Variants in FRMPD4 observed in about 807,000 individuals in gnomAD.
FRMPD4 encodes FERM and PDZ domain-containing protein 4.
In FRMPD4, 22 loss-of-function variants were observed where a neutral mutation model predicts 94.1. That is an observed-to-expected ratio of 0.23 (90% confidence interval 0.17 to 0.33). The LOEUF (loss-of-function observed/expected upper bound fraction) is 0.33, where lower values mean the gene tolerates loss of function less well. Ranked by LOEUF, FRMPD4 falls within the 10% of genes least tolerant of loss-of-function variation. The pLI, the probability that FRMPD4 is intolerant of heterozygous loss-of-function variation, is 1.00. For missense variants in FRMPD4, 1,111 were observed against 1,339.9 expected (o/e 0.83, Z 2.67); for synonymous variants, 631 against 548.6 (o/e 1.15, Z -2.10).
At chrX:12,303,296 C>T (rs1160397042) in intron 1 of FRMPD4, among the ~76,000 whole-genome samples, 1 of 111,447 alleles carries the variant, frequency 9.0e-6, no homozygotes, top group Non-Finnish European at 1.9e-5. Context: ...TTCCCACAAG[C>T]CTTAAATAAA....
chrX:12,075,434 T>C (rs1422487377), intron 3 of FRMPD4, among the ~76,000 whole-genome samples: 2 of 112,027 alleles, frequency 1.8e-5, no homozygotes, highest in East Asian at 5.6e-4. Flanking sequence ...AAAAAGATGA[T>C]GAGAAGAAAA....
At chrX:12,266,160 A>AAAAAAAAAAAAAAAAAAAAAAAAG (rs1569211566) in intron 1 of FRMPD4, among the ~76,000 whole-genome samples, 1 of 103,779 alleles carries the variant, frequency 9.6e-6, no homozygotes, top group African/African-American at 3.8e-5. Context: ...AAAAAAAAAA[A>AAAAAAAAAAAAAAAAAAAAAAAAG]AGAGAAAACA....
intron 2 of FRMPD4, among the ~76,000 whole-genome samples, chrX:12,602,058 C>A (rs1241747401): frequency 8.9e-6 from 1 of 111,821 alleles, no homozygotes; most frequent in Non-Finnish European, 1.9e-5. Context: ...GTGGAAAAAA[C>A]CCAATGAGAA....
At chrX:12,113,019 T>C (rs1303426255) in intron 3 of FRMPD4, among the ~76,000 whole-genome samples, 2 of 111,655 alleles carry the variant, frequency 1.8e-5, no homozygotes, top group Non-Finnish European at 3.8e-5. Flanking sequence ...TTGGGGGAAA[T>C]ATACTCTTGC....
At chrX:12,187,301 G>A (rs564007842) in intron 1 of FRMPD4, among the ~76,000 whole-genome samples, 17 of 110,782 alleles carry the variant, frequency 1.5e-4, no homozygotes, top group East Asian at 5.7e-4. Flanking sequence ...CATAAATGCT[G>A]CTTTACATTA....
At chrX:12,455,845 G>A (rs752772776) in intron 1 of FRMPD4, among the ~76,000 whole-genome samples, 1 of 111,941 alleles carries the variant, frequency 8.9e-6, no homozygotes, top group African/African-American at 3.2e-5. Flanking sequence ...ACATGCCTAA[G>A]TTTCCTCATT....
intron 1 of FRMPD4, among the ~76,000 whole-genome samples, chrX:12,410,897 A>G (rs2056724869): frequency 9.0e-6 from 1 of 111,515 alleles, no homozygotes; most frequent in Non-Finnish European, 1.9e-5. Flanking sequence ...AGACTTAGAG[A>G]TATGTAAAAA....
intron 3 of FRMPD4, among the ~76,000 whole-genome samples, chrX:12,079,068 G>T (rs1280294567): frequency 4.5e-5 from 5 of 111,406 alleles, no homozygotes; most frequent in African/African-American, 1.6e-4. Context: ...GATGATCTAA[G>T]GCAATTGGAA....
chrX:12,263,543 T>C (rs12848912), intron 1 of FRMPD4, among the ~76,000 whole-genome samples: 9,692 of 111,453 alleles, frequency 0.087, 459 homozygotes, highest in African/African-American at 0.19. Context: ...TAAAGGCCTA[T>C]GCTGGCTTCT....
At chrX:11,934,780 A>G (rs1485096343) in intron 3 of FRMPD4, among the ~76,000 whole-genome samples, 5 of 112,183 alleles carry the variant, frequency 4.5e-5, no homozygotes, top group African/African-American at 1.6e-4. Context: ...CATGGCAGAC[A>G]GTCAGTAAAT....
At chrX:12,704,851 A>T (rs1032028184) in intron 11 of FRMPD4, among the ~76,000 whole-genome samples, 3 of 112,446 alleles carry the variant, frequency 2.7e-5, no homozygotes, top group Non-Finnish European at 5.6e-5. Context: ...TTCAATGCAC[A>T]ACAGCCAGCA....
intron 3 of FRMPD4, among the ~76,000 whole-genome samples, chrX:11,991,889 T>G: frequency 8.9e-6 from 1 of 112,365 alleles, no homozygotes; most frequent in East Asian, 2.8e-4. Flanking sequence ...TCTTAGTTGA[T>G]ATGCATTACA....
At chrX:12,053,455 G>GAGGAAAGGAA (rs199926229) in intron 3 of FRMPD4, among the ~76,000 whole-genome samples, 2 of 104,026 alleles carry the variant, frequency 1.9e-5, no homozygotes, top group Non-Finnish European at 3.9e-5. Flanking sequence ...GAAGAGAAGA[G>GAGGAAAGGAA]AGGAAAGGAA....
At chrX:12,560,759 T>C (rs1413827357) in intron 2 of FRMPD4, among the ~76,000 whole-genome samples, 1 of 21,349 alleles carries the variant, frequency 4.7e-5, no homozygotes, top group African/African-American at 3.3e-4. Flanking sequence ...TTTTTTTTTT[T>C]TTTTTTTTTT....
chrX:12,340,937 G>A (rs901656145), intron 1 of FRMPD4, among the ~76,000 whole-genome samples: 1 of 111,923 alleles, frequency 8.9e-6, no homozygotes, highest in African/African-American at 3.3e-5. Context: ...TATTCAGCAC[G>A]TTCTACTGAT....
chrX:11,951,071 A>AG, intron 3 of FRMPD4, among the ~76,000 whole-genome samples: 1 of 108,975 alleles, frequency 9.2e-6, no homozygotes, highest in Non-Finnish European at 1.9e-5. Context: ...AAAAAAAAAA[A>AG]AAAAAAAAAG....
At chrX:12,256,055 A>G (rs771377896) in intron 1 of FRMPD4, among the ~76,000 whole-genome samples, 2 of 112,209 alleles carry the variant, frequency 1.8e-5, no homozygotes, top group Admixed American at 9.4e-5. Context: ...GTCAGCACCA[A>G]GGGTAAGTGG....
chrX:11,826,732 C>G (rs1202594647), intron 1 of FRMPD4, among the ~76,000 whole-genome samples: 2 of 111,528 alleles, frequency 1.8e-5, no homozygotes, highest in African/African-American at 6.5e-5. Flanking sequence ...TAAATTCTAT[C>G]TAGAGCTTCA....
intron 2 of FRMPD4, among the ~76,000 whole-genome samples, chrX:12,530,791 T>A (rs2058276979): frequency 9.0e-6 from 1 of 111,490 alleles, no homozygotes; most frequent in Non-Finnish European, 1.9e-5. Context: ...ATTTTAATTG[T>A]GCTTAGGACT....
Sources: gnomAD v4.1 joint callset for allele counts (sites outside exome capture counted in the v4.1 genomes callset) on GRCh38, gnomAD v4.1.1 for gene constraint, MANE v1.5 for transcripts, NCBI Gene and HGNC (gene_info 2026-07-23, HGNC 2026-07-21) for gene names.